NRDE2: variants seen among roughly 807,000 people sequenced by gnomAD.
NRDE2 encodes the protein nuclear exosome regulator NRDE2.
A neutral mutation model predicts 124.2 loss-of-function variants in NRDE2; 76 were observed. The observed-to-expected ratio is 0.61, with a 90% CI of 0.51 to 0.74. The LOEUF (loss-of-function observed/expected upper bound fraction) is 0.74. NRDE2 is among the 30% of genes least tolerant of loss of function. The pLI, the probability that NRDE2 is intolerant of heterozygous loss-of-function variation, is 0.00. For synonymous variants in NRDE2, 489 were observed against 528.1 expected, an observed-to-expected ratio of 0.93 and a Z score of 1.01; for missense variants, 1,314 against 1,417.3, an observed-to-expected ratio of 0.93 and a Z score of 1.17.
Position 90,304,468 on chromosome 14 carries a change from G to A in NRDE2, c.558-86C>T, listed in dbSNP as rs148817693. ...AAAGGCGCATTAGACCTAAACTCTC[G>A]TTATGCAGGTTCACTGCATATAACC... On this transcript the variant is annotated intron_variant, in intron 4 of 13. Coordinates refer to ENST00000354366, the MANE Select transcript of NRDE2 (RefSeq NM_017970.4). 7.7e-5 allele frequency: 75 copies of A among 971,870 alleles called. 1 individual carries two copies. The African/African-American group carries it at 7.8e-4, about 10-fold the overall frequency. The allele number at this position is 971,870 out of a possible 1,614,324, so 60.2% of individuals were successfully genotyped here. A position where few individuals can be genotyped will look rare whatever the true frequency, so the allele number is the denominator to read the frequency against.
At chr14:90,318,968 CT>C (rs1356212004) in intron 1 of NRDE2, among the ~76,000 whole-genome samples, 1 of 152,020 alleles carries the variant, frequency 6.6e-6, no homozygotes, top group African/African-American at 2.4e-5. Context: ...AAATAAAAAC[CT>C]AAGATGTTAA....
chr14:90,319,593 T>C (rs1467499958), intron 1 of NRDE2, among the ~76,000 whole-genome samples: 8 of 152,194 alleles, frequency 5.3e-5, no homozygotes, highest in Non-Finnish European at 8.8e-5. Flanking sequence ...TAAGCTCATA[T>C]AATATACGTG....
Position 90,276,280 on chromosome 14 carries a change from G to A in NRDE2, c.*2056C>T, listed in dbSNP as rs1429140350. On this transcript the variant is annotated 3_prime_UTR_variant, in exon 14 of 14. Coordinates refer to ENST00000354366, the MANE Select transcript of NRDE2 (RefSeq NM_017970.4). Reference sequence around the variant, plus strand: ...GTCGCCCAGGCTGGAGTGCAGTGGCGCGATCTTGGCTCACTGCAAGCTCTG... The same window carrying A: ...GTCGCCCAGGCTGGAGTGCAGTGGCACGATCTTGGCTCACTGCAAGCTCTG... 6 of 149,944 alleles carry A rather than the reference G, an allele frequency of 4.0e-5. No homozygotes were observed. The highest frequency in any genetic ancestry group is 7.4e-5 in the Non-Finnish European group (5 of 67,706). The allele number at this position is 149,944 out of a possible 1,614,324, so 9.3% of individuals were successfully genotyped here. A position where few individuals can be genotyped will look rare whatever the true frequency, so the allele number is the denominator to read the frequency against.
In NRDE2 at chr14:90,268,191, CTTTTT is replaced by C. The variant is rs34247505; in HGVS notation, c.*10140_*10144del. 2 of 1,303,802 alleles carry C rather than the reference CTTTTT, an allele frequency of 1.5e-6. No homozygotes were observed. The highest frequency in any genetic ancestry group is 2.6e-5 in the Admixed American group (1 of 38,452). 80.8% of individuals were successfully genotyped at this position (1,303,802 alleles called of 1,614,324 possible). A position where few individuals can be genotyped will look rare whatever the true frequency, so the allele number is the denominator to read the frequency against. ...TAAGTTAAAATGGCACTTAAGGTGT[CTTTTT>C]TTTTTTTATCTTTTTCATCCAAAAT... is the stretch of plus-strand genomic sequence containing the variant. On this transcript the variant is annotated 3_prime_UTR_variant, in exon 14 of 14. Coordinates refer to ENST00000354366, the MANE Select transcript of NRDE2 (RefSeq NM_017970.4).
rs1299485944 is a variant in NRDE2 at position 90,288,738 on chromosome 14, C to A, written c.2637G>T (p.Glu879Asp). 1 of 1,614,028 alleles carries A rather than the reference C, an allele frequency of 6.2e-7. No individual in the cohort carries two copies. The highest frequency in any genetic ancestry group is 1.3e-5 in the African/African-American group (1 of 74,934). The change falls in exon 11 of 14, where the codon GAG (glutamate) becomes GAT (aspartate). Residue 879 changes from glutamate to aspartate, a missense_variant. Coordinates refer to ENST00000354366, the MANE Select transcript of NRDE2 (RefSeq NM_017970.4). ...CACCCAAACAGTCCTGCAGTGCGTG[C>A]TCATAAGCCTTTCGCGCTTTCAAAA... ...VHILKARKAY[E>D]HALQDCLGDS...
Position 90,303,951 on chromosome 14 carries a change from G to A in NRDE2, c.989C>T (p.Ala330Val), listed in dbSNP as rs1370945794. 1.2e-6 allele frequency: 2 copies of A among 1,607,396 alleles called. No individual in the cohort carries two copies. Among genetic ancestry groups the A allele is most frequent in the Admixed American group, 1.7e-5 (1 of 59,512 alleles). The change falls in exon 5 of 14, where the codon GCA (alanine) becomes GTA (valine). Residue 330 changes from alanine to valine, a missense_variant. Ala to Val is a moderately conservative substitution (Grantham distance 64, BLOSUM62 0). Transcript: ENST00000354366. ...AACACATACCTGAAAAGCAACAAAT[G>A]CCATCCACAGCTGCGTATCCCGAGG... Reference protein sequence around the residue: ...ENPRDTQLWMAFVAFQDEVMK... With the variant: ...ENPRDTQLWMVFVAFQDEVMK...
chr14:90,306,092 A>C (rs940659888), intron 4 of NRDE2, among the ~76,000 whole-genome samples: 1 of 152,214 alleles, frequency 6.6e-6, no homozygotes, highest in African/African-American at 2.4e-5. Context: ...TGGTAGATGT[A>C]GGGGGCAGTT....
chr14:90,300,711 G>C (rs1238546382), intron 7 of NRDE2, among the ~76,000 whole-genome samples: 1 of 148,896 alleles, frequency 6.7e-6, no homozygotes, highest in Non-Finnish European at 1.5e-5. Flanking sequence ...AAGATTGTGG[G>C]TACTTAGAAG....
chr14:90,301,397 A>T, intron 6 of NRDE2, 25 bp from the exon 7 acceptor site: 1 of 1,612,752 alleles, frequency 6.2e-7, no homozygotes, highest in Non-Finnish European at 8.5e-7. Flanking sequence ...GCAAAGGGGA[A>T]GAAGCCTGGT....
rs972588426 is a variant in NRDE2 at position 90,272,544 on chromosome 14, C to T, written c.*5792G>A. On this transcript the variant is annotated 3_prime_UTR_variant, in exon 14 of 14. Transcript: ENST00000354366. This position sits in a 1 kb window ranked among gnomAD's most constrained non-coding sequence, Gnocchi z 4.5. Reference sequence around the variant, plus strand: ...AAAACATCCTGTGTCTTTTGGAGTACGATGTGTAAGTGCCCATTGGGTGGC... The same window carrying T: ...AAAACATCCTGTGTCTTTTGGAGTATGATGTGTAAGTGCCCATTGGGTGGC... The T allele has an allele frequency of 3.5e-5, 21 of 606,236 alleles. No homozygotes were observed. The East Asian group carries it at 4.4e-4, about 13-fold the overall frequency. The allele number at this position is 606,236 out of a possible 1,614,324, so 37.6% of individuals were successfully genotyped here.
chr14:90,269,617 G>T lies in NRDE2; in HGVS notation c.*8719C>A, dbSNP rs1891609044. ...ATATTTGTGTTTAAGTGTGCTTTGG[G>T]AGGCCTATAAAATGATACATAAAAA... On this transcript the variant is annotated 3_prime_UTR_variant, in exon 14 of 14. Coordinates refer to ENST00000354366, the MANE Select transcript of NRDE2 (RefSeq NM_017970.4). 4 of 1,531,426 alleles carry T rather than the reference G, an allele frequency of 2.6e-6. No individual in the cohort carries two copies. The highest frequency in any genetic ancestry group is 3.6e-6 in the Non-Finnish European group (4 of 1,125,796). 94.9% of individuals were successfully genotyped at this position (1,531,426 alleles called of 1,614,324 possible).
chr14:90,303,458 TGGTTCAAAATTA>T (rs1351552229), intron 5 of NRDE2, among the ~76,000 whole-genome samples: 1 of 152,162 alleles, frequency 6.6e-6, no homozygotes, highest in Admixed American at 6.5e-5. Flanking sequence ...ATTGTATGAG[TGGTTCAAAATTA>T]GGGATTCAGA....
At chr14:90,302,527 T>A (rs74080903) in intron 6 of NRDE2, among the ~76,000 whole-genome samples, 193 bp downstream of exon 6, 1 of 152,184 alleles carries the variant, frequency 6.6e-6, no homozygotes, top group East Asian at 1.9e-4. Flanking sequence ...ACTGGCCCTA[T>A]TGCCCCCACC....
At chr14:90,315,469 C>T (rs1401023918) in intron 3 of NRDE2, among the ~76,000 whole-genome samples, 12 of 152,142 alleles carry the variant, frequency 7.9e-5, no homozygotes. Flanking sequence ...TTTCTCCCTT[C>T]TAGACCATAT....
intron 8 of NRDE2, among the ~76,000 whole-genome samples, chr14:90,293,842 G>A (rs1293668532): frequency 6.6e-6 from 1 of 152,114 alleles, no homozygotes; most frequent in Admixed American, 6.5e-5. Context: ...AAAGTTCAAG[G>A]TTAAAAAATA....
In NRDE2 at chr14:90,318,083, C is replaced by A. The variant is rs7140914; in HGVS notation, c.95G>T (p.Cys32Phe). The change falls in exon 2 of 14, where the codon TGT becomes TTT. Residue 32 changes from cysteine to phenylalanine, a missense_variant. Cys to Phe is a radical substitution (Grantham distance 205, BLOSUM62 -2). Coordinates refer to ENST00000354366, the MANE Select transcript of NRDE2 (RefSeq NM_017970.4). Reference protein sequence around the residue: ...ELDWLSNPSFCVGSITSLSQQ... With the variant: ...ELDWLSNPSFFVGSITSLSQQ... ...GCTCAGGGACGTTATGGATCCAACA[C>A]AAAAGCTTGGGTTGCTCAGCCAGTC... 1.2e-3 allele frequency: 1,860 copies of A among 1,614,046 alleles called. 21 individuals are homozygous for A. In the African/African-American group the frequency reaches 0.021, roughly 19 times the overall value.
chr14:90,278,389 CCTT>C lies in NRDE2; in HGVS notation c.3439_3441del (p.Lys1147del). On this transcript the variant is annotated inframe_deletion, in exon 14 of 14. Coordinates refer to ENST00000354366, the MANE Select transcript of NRDE2 (RefSeq NM_017970.4). ...TCCAGCGGCAGGCGCACCCGGAGCT[CCTT>C]CTCAGTCATCAGGTCCAGGATCTCC... 1 of 1,614,158 alleles carries C rather than the reference CCTT, an allele frequency of 6.2e-7. No homozygotes were observed. The highest frequency in any genetic ancestry group is 1.3e-5 in the African/African-American group (1 of 75,056).
rs1891725072 is a variant in NRDE2, at chr14:90,273,613, A to C, written c.*4723T>G. ...CAATTTTATCTCAGTTCTGTAGGTC[A>C]GAAGTCCAACACGAGTGTCTCCAGG... On this transcript the variant is annotated 3_prime_UTR_variant, in exon 14 of 14. Coordinates refer to ENST00000354366, the MANE Select transcript of NRDE2 (RefSeq NM_017970.4). The C allele has an allele frequency of 6.6e-6, 1 of 152,488 alleles. No individual in the cohort carries two copies. Among genetic ancestry groups the C allele is most frequent in the Admixed American group, 6.5e-5 (1 of 15,290 alleles). 9.4% of individuals were successfully genotyped at this position (152,488 alleles called of 1,614,324 possible). A position where few individuals can be genotyped will look rare whatever the true frequency, so the allele number is the denominator to read the frequency against.
At chr14:90,309,395 C>T (rs1196339523) in intron 4 of NRDE2, among the ~76,000 whole-genome samples, 1 of 150,604 alleles carries the variant, frequency 6.6e-6, no homozygotes, top group African/African-American at 2.5e-5. Context: ...ATTGTTTGAA[C>T]CTGGCAGGCG....
Sources: gnomAD v4.1 joint callset for allele counts (sites outside exome capture counted in the v4.1 genomes callset) on GRCh38, gnomAD v4.1.1 for gene constraint, Gnocchi (gnomAD v3.1) non-coding constraint, MANE v1.5 for transcripts, NCBI Gene and HGNC (gene_info 2026-07-23, HGNC 2026-07-21) for gene names.